ISLR2: variants seen among roughly 807,000 people sequenced by gnomAD.
ISLR2 encodes the protein immunoglobulin superfamily containing leucine rich repeat 2.
Under a neutral mutation model 25.5 loss-of-function variants are expected in ISLR2, and 16 were observed. That is an observed-to-expected ratio of 0.63 (90% CI 0.43 to 0.95). The LOEUF is 0.95. Among genes scored for constraint, ISLR2 ranks in the 40% least tolerant of loss-of-function variants. The pLI is 0.00. For synonymous variants in ISLR2, 508 were observed against 486.6 expected, an observed-to-expected ratio of 1.04 and a Z score of -0.58; for missense variants, 883 against 1,030.7, an observed-to-expected ratio of 0.86 and a Z score of 1.96.
At chr15:74,125,615 C>T (rs1251639727), upstream of ISLR2, among the ~76,000 whole-genome samples, 1 of 152,188 alleles carries the variant, frequency 6.6e-6, no homozygotes, top group Non-Finnish European at 1.5e-5. Context: ...AAGCACAGAC[C>T]CAGATAATTA....
upstream of ISLR2, chr15:74,128,416 A>G (rs773771629): frequency 4.2e-5 from 19 of 455,004 alleles, 2 homozygotes; most frequent in Admixed American, 3.1e-4. Context: ...AGGGGTGGTC[A>G]CCGCGTCCTT....
chr15:74,104,654 G>A (rs1031434754), intron 2 of ISLR2, among the ~76,000 whole-genome samples: 2 of 152,104 alleles, frequency 1.3e-5, no homozygotes, highest in Admixed American at 6.6e-5. Flanking sequence ...GTGGTGCTGC[G>A]CTCTGATAGT....
chr15:74,130,885 G>T (rs953553397), intron 1 of ISLR2, among the ~76,000 whole-genome samples: 1 of 152,078 alleles, frequency 6.6e-6, no homozygotes, highest in Non-Finnish European at 1.5e-5. Context: ...GTGTAAATGT[G>T]GGGGTACGTG....
chr15:74,120,870 A>G (rs2072247718), intron 2 of ISLR2, among the ~76,000 whole-genome samples: 1 of 152,184 alleles, frequency 6.6e-6, no homozygotes, highest in Non-Finnish European at 1.5e-5. Flanking sequence ...ACCCTAGACC[A>G]GAAGGCATTG....
chr15:74,112,828 C>CTTT (rs35655801), intron 2 of ISLR2, among the ~76,000 whole-genome samples: 142 of 130,512 alleles, frequency 1.1e-3, no homozygotes, highest in East Asian at 2.1e-3. Flanking sequence ...GTGCCCGGCC[C>CTTT]TTTTTTTTTT....
chr15:74,108,387 C>T (rs1264470928), intron 2 of ISLR2, among the ~76,000 whole-genome samples: 6 of 152,192 alleles, frequency 3.9e-5, no homozygotes, highest in East Asian at 3.9e-4. Flanking sequence ...GGAATTCTCA[C>T]GCCGCACAGC....
intron 2 of ISLR2, among the ~76,000 whole-genome samples, chr15:74,120,183 C>G (rs1381718247): frequency 6.6e-6 from 1 of 152,200 alleles, no homozygotes; most frequent in East Asian, 1.9e-4. Context: ...TTAGGTGACT[C>G]TCACTAGGGT....
At chr15:74,129,100 G>T (rs367828682), upstream of ISLR2, 1 of 451,726 alleles carries the variant, frequency 2.2e-6, no homozygotes, top group Admixed American at 2.4e-5. This position sits in a 1 kb window ranked among gnomAD's most constrained non-coding sequence, Gnocchi z 4.5. Flanking sequence ...ATGGGTCGGC[G>T]GGGGGGGACT....
rs902642354 is a variant in ISLR2 at position 74,135,916 on chromosome 15, AC to A, written c.*928del. 7.8e-6 allele frequency: 1 copy of A among 128,560 alleles called. No individual in the cohort carries two copies. Among genetic ancestry groups the A allele is most frequent in the Admixed American group, 9.0e-5 (1 of 11,148 alleles). 8.0% of individuals were successfully genotyped at this position (128,560 alleles called of 1,614,324 possible). A position where few individuals can be genotyped will look rare whatever the true frequency, so the allele number is the denominator to read the frequency against. ...CAAATCCTTCTGTCCTCCCACCCCC[AC>A]CCCACTTCTGGCCAGTTGGAGTCCA... On this transcript the variant is annotated 3_prime_UTR_variant, in exon 3 of 3. Transcript: ENST00000453268.
chr15:74,127,819 C>A (rs966042074), upstream of ISLR2: 7 of 152,134 alleles, frequency 4.6e-5, no homozygotes, highest in African/African-American at 1.7e-4. Context: ...GCTCCGGGTT[C>A]GCGACGTTGA....
chr15:74,114,612 CAAA>C (rs879774202), intron 2 of ISLR2, among the ~76,000 whole-genome samples: 3 of 127,760 alleles, frequency 2.3e-5, no homozygotes, highest in African/African-American at 2.8e-5. Context: ...GATCCTGTCT[CAAA>C]AAAAAAAAAA....
rs909555276 is a variant in ISLR2 at position 74,134,276 on chromosome 15, C to T, written c.1522C>T (p.Arg508Cys). The T allele has an allele frequency of 3.2e-6, 5 of 1,553,010 alleles. No homozygotes were observed. The highest frequency in any genetic ancestry group is 1.9e-5 in the Admixed American group (1 of 51,290). ...GGTGCAGCTGACTCCGCTGGCTGCG[C>T]GCTGGGGCCCTGGGCCCGGCGGGGC... ...ARVQLTPLAA[R>C]WGPGPGGAGG... The change falls in exon 3 of 3, where the codon CGC becomes TGC. Residue 508 changes from arginine to cysteine, a missense_variant. By Grantham distance (180) the Arg-to-Cys change is radical. Transcript: ENST00000453268.
intron 2 of ISLR2, among the ~76,000 whole-genome samples, chr15:74,104,195 C>T (rs2072102486): frequency 6.6e-6 from 1 of 152,204 alleles, no homozygotes; most frequent in Non-Finnish European, 1.5e-5. Context: ...GGTGATTTTG[C>T]CGCCCTGGGG....
chr15:74,109,278 T>C (rs1321488296), intron 2 of ISLR2, among the ~76,000 whole-genome samples: 3 of 151,900 alleles, frequency 2.0e-5, no homozygotes, highest in Admixed American at 1.3e-4. Context: ...AGGCCACGCA[T>C]TGTGAGGGCC....
chr15:74,123,046 C>T (rs2072265181), intron 2 of ISLR2, among the ~76,000 whole-genome samples: 1 of 152,202 alleles, frequency 6.6e-6, no homozygotes, highest in African/African-American at 2.4e-5. Context: ...ATGTGCCAGG[C>T]TCCCAAAATA....
At chr15:74,131,779 G>A (rs889415975) in intron 2 of ISLR2, 5 of 152,248 alleles carry the variant, frequency 3.3e-5, no homozygotes, top group Non-Finnish European at 5.9e-5. Flanking sequence ...AAACATGGGG[G>A]AGAACCTCCT....
chr15:74,119,784 C>CA (rs1388154247), intron 2 of ISLR2, among the ~76,000 whole-genome samples: 1 of 151,956 alleles, frequency 6.6e-6, no homozygotes, highest in Non-Finnish European at 1.5e-5. Context: ...AATGTTAAAA[C>CA]AAAAAACAAT....
Position 74,133,093 on chromosome 15 carries a change from C to G in ISLR2, c.339C>G (p.Ser113Arg). The G allele has an allele frequency of 1.9e-6, 3 of 1,612,850 alleles. No individual in the cohort carries two copies. The highest frequency in any genetic ancestry group is 2.2e-5 in the South Asian group (2 of 91,082). ...NLDLSHNFIS[S>R]FPWSDLRNLS... ...ATCTGAGCCACAACTTCATATCCAG[C>G]TTTCCGTGGAGCGACCTGCGCAACC... Residue 113 changes from serine to arginine, a missense_variant, in exon 3 of 3, where the codon AGC (serine) becomes AGG (arginine). This residue lies in a region of ISLR2 where 271 missense variants were observed against 387.9 expected (regional missense o/e 0.70). Transcript: ENST00000453268.
intron 2 of ISLR2, among the ~76,000 whole-genome samples, chr15:74,114,224 T>A (rs2072192610): frequency 6.6e-6 from 1 of 152,238 alleles, no homozygotes; most frequent in African/African-American, 2.4e-5. Flanking sequence ...AATTTCTTCA[T>A]GTACTTTGTC....
Sources: gnomAD v4.1 joint callset for allele counts (sites outside exome capture counted in the v4.1 genomes callset) on GRCh38, gnomAD v4.1.1 for gene constraint, gnomAD v4.1.1 regional missense constraint, Gnocchi (gnomAD v3.1) non-coding constraint, MANE v1.5 for transcripts, NCBI Gene and HGNC (gene_info 2026-07-23, HGNC 2026-07-21) for gene names.